The following NKAIN2 variants were observed in gnomAD, a reference collection of about 807,000 sequenced individuals.
The protein encoded by NKAIN2 is sodium/potassium transporting ATPase interacting 2.
A neutral mutation model predicts 32.6 loss-of-function variants in NKAIN2; 14 were observed. The ratio of observed to expected loss-of-function variants is 0.43; its 90% CI spans 0.28 to 0.67. The LOEUF (loss-of-function observed/expected upper bound fraction) is 0.67, where lower values mean the gene tolerates loss of function less well. Ranked by LOEUF, NKAIN2 falls within the 30% of genes least tolerant of loss-of-function variation. The pLI, the probability that NKAIN2 is intolerant of heterozygous loss-of-function variation, is 0.17. For synonymous variants in NKAIN2, 80 were observed against 87.2 expected (o/e 0.92, Z 0.46); for missense variants, 198 against 258.3 (o/e 0.77, Z 1.60).
intron 5 of NKAIN2, among the ~76,000 whole-genome samples, chr6:124,797,169 CAAAAAAAAAAAA>C (rs563319426): frequency 1.1e-5 from 1 of 87,154 alleles, no homozygotes; most frequent in Non-Finnish European, 2.2e-5. Flanking sequence ...TCCATGTTAG[CAAAAAAAAAAAA>C]AAAAAAAAAA....
At chr6:124,197,862 A>AT (rs1790394946) in intron 1 of NKAIN2, among the ~76,000 whole-genome samples, 1 of 54,518 alleles carries the variant, frequency 1.8e-5, no homozygotes, top group African/African-American at 7.0e-5. Context: ...TTTTTTCATG[A>AT]TTTTGTTGCA....
intron 4 of NKAIN2, among the ~76,000 whole-genome samples, chr6:124,707,992 T>C (rs1775194140): frequency 6.7e-6 from 1 of 148,770 alleles, no homozygotes; most frequent in Non-Finnish European, 1.5e-5. Flanking sequence ...GTTTAAGTCT[T>C]TAATCCATCT....
chr6:124,676,515 C>T (rs969874706), intron 4 of NKAIN2, among the ~76,000 whole-genome samples: 8 of 152,144 alleles, frequency 5.3e-5, no homozygotes, highest in African/African-American at 1.9e-4. Flanking sequence ...ATGTTGGATG[C>T]ATAAATATCT....
intron 2 of NKAIN2, among the ~76,000 whole-genome samples, chr6:124,337,684 CTA>C (rs1249337676): frequency 6.6e-6 from 1 of 152,178 alleles, no homozygotes; most frequent in Admixed American, 6.5e-5. Context: ...CTATAGGTGA[CTA>C]TAGAATATAC....
intron 3 of NKAIN2, among the ~76,000 whole-genome samples, chr6:124,590,756 A>G (rs1273835249): frequency 7.1e-6 from 1 of 141,186 alleles, no homozygotes; most frequent in Non-Finnish European, 1.6e-5. Context: ...AGGGGTTTGA[A>G]GAAAAACGGG....
intron 3 of NKAIN2, chr6:124,490,238 C>A: frequency 3.6e-6 from 1 of 276,804 alleles, no homozygotes; most frequent in South Asian, 3.8e-5. Flanking sequence ...GAAAAAAAAA[C>A]TAAGCCAATT....
chr6:123,835,235 T>C (rs1445692716), intron 1 of NKAIN2, among the ~76,000 whole-genome samples: 3 of 152,212 alleles, frequency 2.0e-5, no homozygotes, highest in African/African-American at 7.2e-5. Context: ...ATCACAAAAA[T>C]AGAGGAGCAT....
intron 1 of NKAIN2, among the ~76,000 whole-genome samples, chr6:124,191,344 A>G (rs1352096386): frequency 6.6e-6 from 1 of 151,994 alleles, no homozygotes; most frequent in African/African-American, 2.4e-5. Context: ...TTGTTTTTGA[A>G]TGTATTCATA....
intron 1 of NKAIN2, among the ~76,000 whole-genome samples, chr6:124,205,004 A>G (rs571924161): frequency 9.2e-5 from 14 of 151,742 alleles, no homozygotes; most frequent in African/African-American, 2.7e-4. Flanking sequence ...AAGCCTATAT[A>G]TCAAATTTTA....
intron 3 of NKAIN2, among the ~76,000 whole-genome samples, chr6:124,613,693 G>A (rs930950946): frequency 1.5e-4 from 23 of 152,120 alleles, no homozygotes; most frequent in Non-Finnish European, 2.8e-4. Context: ...GCGCTACCTA[G>A]TGAGTTCTTA....
At chr6:124,601,642 T>G (rs1408610543) in intron 3 of NKAIN2, among the ~76,000 whole-genome samples, 1 of 151,944 alleles carries the variant, frequency 6.6e-6, no homozygotes, top group Non-Finnish European at 1.5e-5. Context: ...GATTAGGAAA[T>G]GTGTACCAGC....
intron 1 of NKAIN2, among the ~76,000 whole-genome samples, chr6:123,989,134 T>C (rs1779302775): frequency 6.6e-6 from 1 of 152,126 alleles, no homozygotes; most frequent in Non-Finnish European, 1.5e-5. Flanking sequence ...GGATGTTCCA[T>C]TGGCATATGA....
intron 5 of NKAIN2, among the ~76,000 whole-genome samples, chr6:124,810,506 A>G (rs1780843905): frequency 6.6e-6 from 1 of 152,146 alleles, no homozygotes; most frequent in Non-Finnish European, 1.5e-5. Context: ...GCGGGAAGGG[A>G]TAGCATTGGG....
intron 1 of NKAIN2, among the ~76,000 whole-genome samples, chr6:124,030,394 C>T (rs949291826): frequency 3.9e-5 from 6 of 152,164 alleles, no homozygotes; most frequent in African/African-American, 1.2e-4. Context: ...TCCATATTCA[C>T]TTAATAGTCT....
intron 2 of NKAIN2, among the ~76,000 whole-genome samples, chr6:124,301,685 T>C (rs1248430017): frequency 6.6e-6 from 1 of 152,192 alleles, no homozygotes; most frequent in Non-Finnish European, 1.5e-5. Context: ...GGAAATCATT[T>C]TGGAGCTTTC....
intron 3 of NKAIN2, among the ~76,000 whole-genome samples, chr6:124,583,229 CAA>C (rs60708814): frequency 3.5e-5 from 5 of 141,300 alleles, no homozygotes; most frequent in African/African-American, 2.6e-5. Context: ...AAGACTCCAC[CAA>C]AAAAAAAAAA....
At chr6:124,694,161 G>A (rs1029071861) in intron 4 of NKAIN2, among the ~76,000 whole-genome samples, 1 of 151,966 alleles carries the variant, frequency 6.6e-6, no homozygotes, top group African/African-American at 2.4e-5. Flanking sequence ...CTATGTGTGT[G>A]TGTATATATA....
chr6:123,896,127 T>C (rs1239671842), intron 1 of NKAIN2, among the ~76,000 whole-genome samples: 1 of 152,188 alleles, frequency 6.6e-6, no homozygotes. Flanking sequence ...AAATGTTGTA[T>C]TATGTCTGGT....
intron 2 of NKAIN2, among the ~76,000 whole-genome samples, chr6:124,321,164 C>T (rs1797170130): frequency 1.3e-5 from 2 of 152,164 alleles, no homozygotes; most frequent in South Asian, 4.1e-4. Flanking sequence ...TGCCTGCCTT[C>T]CTTTTAGCAC....
Sources: allele counts gnomAD v4.1 joint callset (sites outside exome capture counted in the v4.1 genomes callset), GRCh38; gene constraint gnomAD v4.1.1; transcripts MANE v1.5; gene names NCBI Gene and HGNC (gene_info 2026-07-23, HGNC 2026-07-21).